HVCN1: variants seen among roughly 807,000 people sequenced by gnomAD.
The protein encoded by HVCN1 is voltage-gated hydrogen channel 1.
Under a neutral mutation model 29.2 loss-of-function variants are expected in HVCN1, and 14 were observed. That is an observed-to-expected ratio of 0.48 (90% confidence interval 0.32 to 0.75). HVCN1 has a LOEUF of 0.75. Ranked by LOEUF, HVCN1 falls within the 30% of genes least tolerant of loss-of-function variation. The pLI is 0.04. For missense variants in HVCN1, 263 were observed against 341.8 expected, an observed-to-expected ratio of 0.77 and a Z score of 1.82; for synonymous variants, 131 against 133.2, an observed-to-expected ratio of 0.98 and a Z score of 0.11.
chr12:110,664,687 G>T (rs2068284043), intron 3 of HVCN1, among the ~76,000 whole-genome samples: 1 of 152,208 alleles, frequency 6.6e-6, no homozygotes, highest in Non-Finnish European at 1.5e-5. Context: ...AAAGACTATA[G>T]TTCAAAGCTA....
chr12:110,665,102 A>G (rs1021218276), intron 3 of HVCN1, among the ~76,000 whole-genome samples: 3 of 152,210 alleles, frequency 2.0e-5, no homozygotes, highest in African/African-American at 7.2e-5. Flanking sequence ...CTGATCCCCA[A>G]GTAAATTTAC....
intron 4 of HVCN1, among the ~76,000 whole-genome samples, chr12:110,657,129 G>A (rs186066898): frequency 4.7e-4 from 71 of 152,292 alleles, no homozygotes; most frequent in African/African-American, 1.7e-3. Context: ...CAGAATGCAG[G>A]TTCACAGTTG....
In HVCN1 at chr12:110,651,437, G is replaced by A. The variant is rs1274631085; in HGVS notation, c.423C>T (p.Tyr141=). ...KNNYAAMVFH[Y]MSITILVFFM... ...AAAAGACCAAGATGGTGATGCTCAT[G>A]TAGTGGAATACCTGAAGGGGACAAG... is the stretch of plus-strand genomic sequence containing the variant. The change falls in exon 6 of 8, where the codon TAC becomes TAT. Residue 141 remains tyrosine, a synonymous_variant. Transcript: ENST00000242607. The A allele has an allele frequency of 1.2e-6, 2 of 1,610,548 alleles. No individual in the cohort carries two copies. The highest frequency in any genetic ancestry group is 1.3e-5 in the African/African-American group (1 of 74,842).
intron 3 of HVCN1, among the ~76,000 whole-genome samples, chr12:110,669,778 G>A (rs895230403): frequency 2.0e-5 from 3 of 152,146 alleles, no homozygotes; most frequent in East Asian, 1.9e-4. Flanking sequence ...TTAAGAGGCC[G>A]GGCGCGGTGG....
At chr12:110,669,715 C>T (rs750223575) in intron 3 of HVCN1, among the ~76,000 whole-genome samples, 3 of 152,062 alleles carry the variant, frequency 2.0e-5, no homozygotes, top group African/African-American at 2.4e-5. Flanking sequence ...GGGCTGTGAA[C>T]GCTGGGAGGG....
intron 5 of HVCN1, among the ~76,000 whole-genome samples, chr12:110,653,387 G>A (rs2067878039): frequency 6.6e-6 from 1 of 152,124 alleles, no homozygotes; most frequent in Admixed American, 6.6e-5. Flanking sequence ...TTGAGCCCAT[G>A]AGATCAAGAC....
chr12:110,651,146 C>CGCAGTCACTCTGGGTGCCTGA, intron 6 of HVCN1, 71 bp downstream of exon 6: 1 of 1,129,418 alleles, frequency 8.9e-7, no homozygotes, highest in Non-Finnish European at 1.3e-6. Flanking sequence ...AGAGTGACTG[C>CGCAGTCACTCTGGGTGCCTGA]GCAGTCAGGC....
At chr12:110,687,499 T>C (rs1287086591) in intron 2 of HVCN1, among the ~76,000 whole-genome samples, 1 of 151,940 alleles carries the variant, frequency 6.6e-6, no homozygotes, top group African/African-American at 2.4e-5. Flanking sequence ...GGGACAGCAG[T>C]GGACAGGACA....
intron 4 of HVCN1, 76 bp from the exon 5 acceptor site, chr12:110,655,414 C>CT: frequency 8.7e-7 from 1 of 1,152,650 alleles, no homozygotes; most frequent in East Asian, 2.4e-5. Context: ...TAAGAGCTGG[C>CT]TTGGAAGCAC....
rs1012544559 is a variant in HVCN1 at position 110,676,086 on chromosome 12, C to A, written c.21+7139G>T. Reference sequence around the variant, plus strand: ...TGCTTCCTGGTCCAGGGTCTTAACACCACCCAGGCAGGGCCAGAGCGGCTG... The same window carrying A: ...TGCTTCCTGGTCCAGGGTCTTAACAACACCCAGGCAGGGCCAGAGCGGCTG... On this transcript the variant is annotated intron_variant, in intron 3 of 7. Coordinates refer to ENST00000242607, the MANE Select transcript of HVCN1 (RefSeq NM_032369.4). This position sits in a 1 kb window ranked among gnomAD's most constrained non-coding sequence, Gnocchi z 4.1. 6.6e-5 allele frequency among the ~76,000 whole-genome samples: 10 copies of A among 152,190 alleles called. No individual in the cohort carries two copies. Among genetic ancestry groups the A allele is most frequent in the African/African-American group, 2.2e-4 (9 of 41,434 alleles).
At chr12:110,662,789 G>GC (rs1411990096) in intron 3 of HVCN1, among the ~76,000 whole-genome samples, 5 of 151,708 alleles carry the variant, frequency 3.3e-5, no homozygotes, top group Non-Finnish European at 4.4e-5. Flanking sequence ...ATGACACACT[G>GC]CCCCCCCACA....
At chr12:110,700,433 G>A (rs1394150801) in intron 2 of HVCN1, among the ~76,000 whole-genome samples, 1 of 152,140 alleles carries the variant, frequency 6.6e-6, no homozygotes, top group East Asian at 1.9e-4. Context: ...GAAAAGGGGA[G>A]AAAGGACATC....
chr12:110,677,142 C>T (rs1208104598), intron 3 of HVCN1, among the ~76,000 whole-genome samples: 1 of 151,982 alleles, frequency 6.6e-6, no homozygotes, highest in South Asian at 2.1e-4. Context: ...AATGTTGAGG[C>T]TGCAGTAAGC....
At chr12:110,683,909 TAA>T (rs766895530) in intron 2 of HVCN1, among the ~76,000 whole-genome samples, 13 of 67,812 alleles carry the variant, frequency 1.9e-4, no homozygotes, top group Admixed American at 3.6e-4. Flanking sequence ...AGACTCTATC[TAA>T]AAAAAAAAAA....
chr12:110,685,680 T>TTTG (rs1325837225), intron 2 of HVCN1, among the ~76,000 whole-genome samples: 1 of 152,000 alleles, frequency 6.6e-6, no homozygotes, highest in Non-Finnish European at 1.5e-5. Flanking sequence ...CCCTTTTTTT[T>TTTG]TTGTTGTTGT....
At chr12:110,668,098 G>A (rs1232611707) in intron 3 of HVCN1, among the ~76,000 whole-genome samples, 1 of 152,038 alleles carries the variant, frequency 6.6e-6, no homozygotes, top group Admixed American at 6.6e-5. Context: ...CTGCCACCAC[G>A]CCCGGCTAAT....
intron 1 of HVCN1, among the ~76,000 whole-genome samples, chr12:110,704,469 G>A (rs533178554): frequency 6.6e-6 from 1 of 151,730 alleles, no homozygotes; most frequent in South Asian, 2.1e-4. Context: ...GGGCAACATA[G>A]CAAGACCCTG....
chr12:110,649,449 T>C lies in HVCN1; in HGVS notation c.783A>G (p.Lys261=). Residue 261 remains lysine, a synonymous_variant, in exon 8 of 8, where the codon AAA becomes AAG. Coordinates refer to ENST00000242607, the MANE Select transcript of HVCN1 (RefSeq NM_032369.4). The part of the protein sequence containing the change: ...EKEQEIERLN[K]LLRQHGLLGE... ...CAAGAAGTCCATGCTGTCGCAATAG[T>C]TTGTTAAGTCTTTCAATTTCTTGTT... 1 of 1,607,936 alleles carries C rather than the reference T, an allele frequency of 6.2e-7. No homozygotes were observed. The highest frequency in any genetic ancestry group is 1.7e-4 in the Middle Eastern group (1 of 6,060).
intron 3 of HVCN1, among the ~76,000 whole-genome samples, chr12:110,668,779 T>A (rs546327402): frequency 6.6e-6 from 1 of 152,304 alleles, no homozygotes; most frequent in South Asian, 2.1e-4. Flanking sequence ...CTGATGCTCC[T>A]CTGCGGTCAC....
Sources: gnomAD v4.1 joint callset for allele counts (sites outside exome capture counted in the v4.1 genomes callset) on GRCh38, gnomAD v4.1.1 for gene constraint, Gnocchi (gnomAD v3.1) non-coding constraint, MANE v1.5 for transcripts, NCBI Gene and HGNC (gene_info 2026-07-23, HGNC 2026-07-21) for gene names.